Variants in HACD2 observed in about 807,000 individuals in gnomAD.
HACD2 encodes the protein very-long-chain (3R)-3-hydroxyacyl-CoA dehydratase 2.
In HACD2, 15 loss-of-function variants were observed where a neutral mutation model predicts 31.0. The observed-to-expected ratio is 0.48, with a 90% CI of 0.32 to 0.75. HACD2 has a LOEUF of 0.75. Ranked by LOEUF, HACD2 falls within the 30% of genes least tolerant of loss-of-function variation. The pLI, the probability that HACD2 is intolerant of heterozygous loss-of-function variation, is 0.03. For synonymous variants in HACD2, 115 were observed against 122.2 expected (o/e 0.94, Z 0.39); for missense variants, 283 against 313.0 (o/e 0.90, Z 0.72).
rs9852427 is a variant in HACD2 at position 123,565,883 on chromosome 3, G to A, written c.292+1879C>T. ...TTAAAAAGGACTAAAAAGGAAATGC[G>A]TGTAAGACTGCACAAAAGTTTAATA... On this transcript the variant is annotated intron_variant, in intron 3 of 6. Transcript: ENST00000383657. Among the ~76,000 whole-genome samples, 815 of 152,266 alleles carry A rather than the reference G, an allele frequency of 5.4e-3. 2 individuals are homozygous for A. Among genetic ancestry groups the A allele is most frequent in the African/African-American group, 0.019 (796 of 41,534 alleles).
At chr3:123,546,649 T>C (rs777435045) in intron 3 of HACD2, among the ~76,000 whole-genome samples, 4 of 152,242 alleles carry the variant, frequency 2.6e-5, no homozygotes, top group Admixed American at 6.5e-5. Flanking sequence ...GACTTCCTGT[T>C]ATATAGGAAA....
intron 4 of HACD2, among the ~76,000 whole-genome samples, chr3:123,527,778 G>A (rs540432949): frequency 2.0e-5 from 3 of 152,300 alleles, no homozygotes; most frequent in South Asian, 2.1e-4. Context: ...CAAAAGTTGC[G>A]GCCACAGGGC....
At chr3:123,540,567 C>G (rs2056477340) in intron 3 of HACD2, among the ~76,000 whole-genome samples, 1 of 152,164 alleles carries the variant, frequency 6.6e-6, no homozygotes, top group Non-Finnish European at 1.5e-5. Context: ...TGAGAGGACA[C>G]AGTGAGTCAA....
At chr3:123,521,314 GGAA>G (rs2056211764) in intron 4 of HACD2, among the ~76,000 whole-genome samples, 1 of 152,120 alleles carries the variant, frequency 6.6e-6, no homozygotes, top group Non-Finnish European at 1.5e-5. Flanking sequence ...CAGAGGGAGA[GGAA>G]GAAGTTGATC....
At chr3:123,550,417 G>A (rs965382410) in intron 3 of HACD2, among the ~76,000 whole-genome samples, 2 of 152,118 alleles carry the variant, frequency 1.3e-5, no homozygotes, top group Non-Finnish European at 1.5e-5. Context: ...GAGAAAGAAA[G>A]GGCAAGAGGG....
intron 2 of HACD2, among the ~76,000 whole-genome samples, chr3:123,575,890 A>G (rs2056902945): frequency 6.6e-6 from 1 of 152,206 alleles, no homozygotes; most frequent in Admixed American, 6.5e-5. Context: ...CACTAACCAT[A>G]GTGAGGTGGC....
At chr3:123,498,416 G>C (rs2055861389) in intron 6 of HACD2, among the ~76,000 whole-genome samples, 1 of 152,164 alleles carries the variant, frequency 6.6e-6, no homozygotes, top group Non-Finnish European at 1.5e-5. Flanking sequence ...TCTGAAAGAG[G>C]GGTCCCCAAC....
At position 123,500,623 on chromosome 3, in the gene HACD2, G is replaced by A; in HGVS notation, c.574C>T (p.Pro192Ser). The A allele has an allele frequency of 1.2e-6, 2 of 1,613,100 alleles. No homozygotes were observed. The highest frequency in any genetic ancestry group is 1.7e-6 in the Non-Finnish European group (2 of 1,179,126). ...GELLTIYAAL[P>S]FVRQAGLYSI... ...TATAGGCCAGCTTGTCTGACAAAGG[G>A]CAGAGCTGCATATATTGTGAGCAGT... Residue 192 changes from proline (P) to serine (S), a missense_variant, in exon 6 of 7, where the codon CCC (proline) becomes TCC (serine). By Grantham distance (74) the Pro-to-Ser change is moderately conservative (BLOSUM62 -1). Transcript: ENST00000383657.
chr3:123,569,823 A>G (rs530265393), intron 2 of HACD2, among the ~76,000 whole-genome samples: 65 of 151,950 alleles, frequency 4.3e-4, no homozygotes, highest in African/African-American at 1.5e-3. Flanking sequence ...CCCCATCTCT[A>G]CTAAAAATAC....
At chr3:123,509,460 T>C (rs189765343) in intron 4 of HACD2, among the ~76,000 whole-genome samples, 95 of 151,396 alleles carry the variant, frequency 6.3e-4, no homozygotes, top group African/African-American at 2.0e-3. Context: ...ACCTCTGTTA[T>C]AGATTCATTG....
rs1278809084 is a variant in HACD2 at position 123,502,601 on chromosome 3, G to A, written c.462C>T (p.Phe154=). 2.5e-6 allele frequency: 4 copies of A among 1,610,842 alleles called. No homozygotes were observed. The highest frequency in any genetic ancestry group is 3.4e-6 in the Non-Finnish European group (4 of 1,178,520). ...TEIIRYSFYT[F]SLLNHLPYLI... ...GGTAAGGCAGATGGTTTAATAGACT[G>A]AATGTATAAAAGGAGTAACGGATGA... Residue 154 remains phenylalanine (F), a synonymous_variant, in exon 5 of 7, where the codon TTC becomes TTT. Transcript: ENST00000383657.
chr3:123,577,508 C>A (rs1245547129), intron 2 of HACD2, among the ~76,000 whole-genome samples: 1 of 151,690 alleles, frequency 6.6e-6, no homozygotes, highest in Non-Finnish European at 1.5e-5. Context: ...GTAGTCCCAG[C>A]TACTCGGGAA....
At chr3:123,509,734 C>T (rs1169210080) in intron 4 of HACD2, among the ~76,000 whole-genome samples, 3 of 152,028 alleles carry the variant, frequency 2.0e-5, no homozygotes, top group Non-Finnish European at 4.4e-5. Flanking sequence ...CTCCTGACCT[C>T]GTGATCCGCC....
chr3:123,528,799 T>G (rs1190070373), intron 3 of HACD2, among the ~76,000 whole-genome samples: 1 of 152,178 alleles, frequency 6.6e-6, no homozygotes, highest in African/African-American at 2.4e-5. Flanking sequence ...TACCTAATCT[T>G]TAAAATAAGA....
chr3:123,518,953 C>T (rs990547038), intron 4 of HACD2, among the ~76,000 whole-genome samples: 8 of 139,848 alleles, frequency 5.7e-5, no homozygotes, highest in Non-Finnish European at 9.1e-5. Context: ...GCCGAGATCG[C>T]GTCACTGCAC....
intron 3 of HACD2, among the ~76,000 whole-genome samples, chr3:123,538,145 T>C (rs886251553): frequency 1.3e-5 from 2 of 152,180 alleles, no homozygotes; most frequent in African/African-American, 4.8e-5. Context: ...AATTCTCTTT[T>C]CTTTTTTCCC....
intron 4 of HACD2, among the ~76,000 whole-genome samples, chr3:123,503,454 C>G (rs1223679866): frequency 6.6e-6 from 1 of 151,972 alleles, no homozygotes; most frequent in Non-Finnish European, 1.5e-5. Flanking sequence ...TCCCAGGAGG[C>G]AGTTAGAGCC....
intron 3 of HACD2, among the ~76,000 whole-genome samples, chr3:123,540,190 T>C (rs975490837): frequency 6.6e-6 from 1 of 152,148 alleles, no homozygotes; most frequent in East Asian, 1.9e-4. Context: ...TCTAGTTCAC[T>C]GGATGTACTT....
At chr3:123,507,131 C>T (rs2055986395) in intron 4 of HACD2, among the ~76,000 whole-genome samples, 1 of 152,042 alleles carries the variant, frequency 6.6e-6, no homozygotes, top group Non-Finnish European at 1.5e-5. Flanking sequence ...TGGTGCACAC[C>T]TGTGGTCCCA....
Sources: allele counts gnomAD v4.1 joint callset (sites outside exome capture counted in the v4.1 genomes callset), GRCh38; gene constraint gnomAD v4.1.1; transcripts MANE v1.5; gene names NCBI Gene and HGNC (gene_info 2026-07-23, HGNC 2026-07-21).